The following ATCAY variants were observed in gnomAD, a reference collection of about 807,000 sequenced individuals.
ATCAY encodes the protein ATCAY kinesin light chain interacting caytaxin.
A neutral mutation model predicts 47.7 loss-of-function variants in ATCAY; 22 were observed. The ratio of observed to expected loss-of-function variants is 0.46; its 90% confidence interval spans 0.33 to 0.66. ATCAY has a LOEUF of 0.66. ATCAY is among the 30% of genes least tolerant of loss of function. The pLI is 0.02. For missense variants in ATCAY, 452 were observed against 515.0 expected, an observed-to-expected ratio of 0.88 and a Z score of 1.18; for synonymous variants, 216 against 207.6, an observed-to-expected ratio of 1.04 and a Z score of -0.35.
At chr19:3,884,365 C>T (rs1599273116) in intron 1 of ATCAY, among the ~76,000 whole-genome samples, 1 of 152,180 alleles carries the variant, frequency 6.6e-6, no homozygotes, top group Admixed American at 6.6e-5. Flanking sequence ...CAGTCTCTTT[C>T]CACACTGCCT....
intron 2 of ATCAY, chr19:3,893,521 G>A (rs1057122819): frequency 1.3e-5 from 2 of 152,156 alleles, no homozygotes; most frequent in African/African-American, 4.8e-5. Flanking sequence ...TGGACTTTGA[G>A]AGCCGGCTCT....
In ATCAY at chr19:3,905,522, T is replaced by C. The variant is rs1487774061; in HGVS notation, c.225T>C (p.Ser75=). 1 of 1,613,822 alleles carries C rather than the reference T, an allele frequency of 6.2e-7. No homozygotes were observed. The highest frequency in any genetic ancestry group is 2.2e-5 in the East Asian group (1 of 44,886). The stretch of plus-strand genomic sequence containing the variant: ...AGATCAACATTTCTCTGGATCAGAG[T>C]GAGGGGTCCCTGCTGTCCGATGACT... ...APEINISLDQ[S]EGSLLSDDFL... The change falls in exon 4 of 13, where the codon AGT becomes AGC. Residue 75 remains serine, a synonymous_variant. Transcript: ENST00000450849.
rs571828838 is a variant in ATCAY at position 3,925,191 on chromosome 19, T to G, written c.*599T>G. Reference sequence around the variant, plus strand: ...TGACCCGCCCCCTTCTCGCTCATAATGACACCCAGCTCCTTTGAGAGGATC... The same window carrying G: ...TGACCCGCCCCCTTCTCGCTCATAAGGACACCCAGCTCCTTTGAGAGGATC... On this transcript the variant is annotated 3_prime_UTR_variant, in exon 13 of 13. Transcript: ENST00000450849. This position sits in a 1 kb window ranked among gnomAD's most constrained non-coding sequence, Gnocchi z 4.4. 1 of 152,818 alleles carries G rather than the reference T, an allele frequency of 6.5e-6. No individual in the cohort carries two copies. The highest frequency in any genetic ancestry group is 1.9e-4 in the East Asian group (1 of 5,192). The allele number at this position is 152,818 out of a possible 1,614,324, so 9.5% of individuals were successfully genotyped here. A position where few individuals can be genotyped will look rare whatever the true frequency, so the allele number is the denominator to read the frequency against.
Position 3,909,493 on chromosome 19 carries a change from A to G in ATCAY, c.655A>G (p.Ile219Val). 1 of 1,613,524 alleles carries G rather than the reference A, an allele frequency of 6.2e-7. No homozygotes were observed. Among genetic ancestry groups the G allele is most frequent in the Non-Finnish European group, 8.5e-7 (1 of 1,179,662 alleles). Residue 219 changes from isoleucine to valine, a missense_variant, in exon 7 of 13, where the codon ATC (isoleucine) becomes GTC (valine). Ile to Val is a conservative substitution (Grantham distance 29). Transcript: ENST00000450849. ...TCTGTGCCCCGTGAGCAGGTACGTC[A>G]TCAGCAGCTTAGAGCTCCTGGTGGC... ...YIMENLFLYV[I>V]SSLELLVAED...
rs774092653 is a variant in ATCAY, at chr19:3,910,938, T to A, written c.866+49T>A. ...AAGTCCAGTGGCCTCAGTGTGCGTG[T>A]GTGCGTGTGTGTATGCATGCATTTG... On this transcript the variant is annotated intron_variant, in intron 8 of 12. Coordinates refer to ENST00000450849, the MANE Select transcript of ATCAY (RefSeq NM_033064.5). 8.2e-6 allele frequency: 13 copies of A among 1,577,680 alleles called. No individual in the cohort carries two copies. The African/African-American group carries it at 1.6e-4, about 20-fold the overall frequency.
rs565011425 is a variant in ATCAY at position 3,893,369 on chromosome 19, G to A, written c.77+7525G>A. Among the ~76,000 whole-genome samples, 34 of 151,952 alleles carry A rather than the reference G, an allele frequency of 2.2e-4. No individual in the cohort carries two copies. In the South Asian group the frequency reaches 4.8e-3, roughly 21 times the overall value. On this transcript the variant is annotated intron_variant, in intron 2 of 12. Transcript: ENST00000450849. Reference sequence around the variant, plus strand: ...TAATTTTAGTATTTTTAGTAGAGACGGGGTTTCACCATGTTGGCCAGGCTG... The same window carrying A: ...TAATTTTAGTATTTTTAGTAGAGACAGGGTTTCACCATGTTGGCCAGGCTG...
In ATCAY at chr19:3,908,708, CTTT is replaced by C. The variant is rs1173383220; in HGVS notation, c.647+340_647+342del. On this transcript the variant is annotated intron_variant, in intron 6 of 12. Coordinates refer to ENST00000450849, the MANE Select transcript of ATCAY (RefSeq NM_033064.5). ...CCTTCTTCCTCCCCCCTCCTCCTCC[CTTT>C]TCTCCTCCTCCTCCCCTTCCCTCTC... 3.7e-4 allele frequency among the ~76,000 whole-genome samples: 21 copies of C among 57,144 alleles called. 1 individual carries two copies. In the East Asian group the frequency reaches 0.013, roughly 35 times the overall value. The allele number at this position is 57,144 out of a possible 152,430, so 37.5% of individuals were successfully genotyped here. A position where few individuals can be genotyped will look rare whatever the true frequency, so the allele number is the denominator to read the frequency against.
intron 1 of ATCAY, among the ~76,000 whole-genome samples, chr19:3,884,606 G>C (rs923274013): frequency 2.0e-5 from 3 of 152,160 alleles, no homozygotes; most frequent in African/African-American, 4.8e-5. Context: ...ACAAGAGGGA[G>C]GGTAAGTCTA....
In ATCAY at chr19:3,886,978, G is replaced by A. The variant is rs531022713; in HGVS notation, c.77+1134G>A. Among the ~76,000 whole-genome samples, 22 of 152,080 alleles carry A rather than the reference G, an allele frequency of 1.4e-4. No individual in the cohort carries two copies. The South Asian group carries it at 3.5e-3, about 24-fold the overall frequency. On this transcript the variant is annotated intron_variant, in intron 2 of 12. Coordinates refer to ENST00000450849, the MANE Select transcript of ATCAY (RefSeq NM_033064.5). ...ATTCCAGGCAAGAGCCACCGCGCCC[G>A]GCCCCTACGCTGAACATTTTGCAGG... is the stretch of plus-strand genomic sequence containing the variant.
At chr19:3,922,196 GC>G (rs1266743685) in intron 12 of ATCAY, 2 of 701,712 alleles carry the variant, frequency 2.9e-6, no homozygotes, top group African/African-American at 1.7e-5. Flanking sequence ...ATGCCACGTG[GC>G]CCAAGTTCCA....
At position 3,907,313 on chromosome 19, in the gene ATCAY, G is replaced by A. The variant is rs2038870104; in HGVS notation, c.359-421G>A. 6.6e-6 allele frequency among the ~76,000 whole-genome samples: 1 copy of A among 151,884 alleles called. No individual in the cohort carries two copies. Among genetic ancestry groups the A allele is most frequent in the Non-Finnish European group, 1.5e-5 (1 of 67,984 alleles). ...ATAAAAATTAGCTGGGTGTGGTGGTGCACAACTGTAGTCCCAGGTATCTGG... is the reference window on the plus strand; with the variant it reads ...ATAAAAATTAGCTGGGTGTGGTGGTACACAACTGTAGTCCCAGGTATCTGG... On this transcript the variant is annotated intron_variant, in intron 4 of 12. Transcript: ENST00000450849. The surrounding 1 kb of genome is among the most constrained non-coding windows in gnomAD (Gnocchi z 5.1).
rs1241277162 is a variant in ATCAY, at chr19:3,908,290, C to T, written c.567C>T (p.Asn189=). The T allele has an allele frequency of 9.5e-6, 15 of 1,582,346 alleles. No individual in the cohort carries two copies. Among genetic ancestry groups the T allele is most frequent in the South Asian group, 2.3e-5 (2 of 86,490 alleles). ...THGGYYGEGL[N]AIIVFAACFL... ...CAGGGTACTACGGCGAAGGCCTCAACGCCATCATCGTCTTCGCAGCCTGCT... is the reference window on the plus strand; with the variant it reads ...CAGGGTACTACGGCGAAGGCCTCAATGCCATCATCGTCTTCGCAGCCTGCT... Residue 189 remains asparagine (N), a synonymous_variant, in exon 6 of 13, where the codon AAC becomes AAT. Coordinates refer to ENST00000450849, the MANE Select transcript of ATCAY (RefSeq NM_033064.5).
chr19:3,907,270 C>G lies in ATCAY; in HGVS notation c.359-464C>G, dbSNP rs563798598. On this transcript the variant is annotated intron_variant, in intron 4 of 12. Coordinates refer to ENST00000450849, the MANE Select transcript of ATCAY (RefSeq NM_033064.5). This position sits in a 1 kb window ranked among gnomAD's most constrained non-coding sequence, Gnocchi z 5.1. Reference sequence around the variant, plus strand: ...GACCAGCCTGGGCAACATATTGAAACCCCATCTCTACAAAAATATAAAAAT... The same window carrying G: ...GACCAGCCTGGGCAACATATTGAAAGCCCATCTCTACAAAAATATAAAAAT... Among the ~76,000 whole-genome samples, 116 of 152,058 alleles carry G rather than the reference C, an allele frequency of 7.6e-4. 1 individual carries two copies. The highest frequency in any genetic ancestry group is 2.7e-3 in the African/African-American group (113 of 41,482).
chr19:3,912,562 G>A (rs947794144), intron 8 of ATCAY, among the ~76,000 whole-genome samples: 5 of 151,898 alleles, frequency 3.3e-5, no homozygotes, highest in Non-Finnish European at 5.9e-5. Context: ...CGCCTGCCTT[G>A]GCCTCCCAAA....
At chr19:3,900,459 T>G (rs1231241314) in intron 2 of ATCAY, among the ~76,000 whole-genome samples, 1 of 152,086 alleles carries the variant, frequency 6.6e-6, no homozygotes, top group Non-Finnish European at 1.5e-5. Flanking sequence ...AGATGACATT[T>G]AGTTATCACA....
intron 2 of ATCAY, among the ~76,000 whole-genome samples, chr19:3,898,241 G>A (rs151141694): frequency 0.013 from 2,014 of 152,108 alleles, 43 homozygotes; most frequent in African/African-American, 0.047. Flanking sequence ...CTGGAGTGCA[G>A]TGGTGCAATC....
intron 2 of ATCAY, among the ~76,000 whole-genome samples, chr19:3,887,590 C>T (rs961530766): frequency 6.6e-6 from 1 of 151,108 alleles, no homozygotes; most frequent in Admixed American, 6.6e-5. Context: ...GGGTTCACGC[C>T]ATTCTCCTGC....
chr19:3,883,341 CA>C (rs1201861541), intron 1 of ATCAY, among the ~76,000 whole-genome samples: 7 of 144,936 alleles, frequency 4.8e-5, no homozygotes, highest in Non-Finnish European at 4.5e-5. Flanking sequence ...GACTCTGTCT[CA>C]AAAAAAAAAT....
Position 3,908,300 on chromosome 19 carries a change from G to C in ATCAY, c.577G>C (p.Val193Leu). ...CGGCGAAGGCCTCAACGCCATCATC[G>C]TCTTCGCAGCCTGCTTCCTTCCAGA... ...YYGEGLNAII[V>L]FAACFLPDSS... The change falls in exon 6 of 13, where the codon GTC (valine) becomes CTC (leucine). Residue 193 changes from valine to leucine, a missense_variant. By Grantham distance (32) the Val-to-Leu change is conservative. Coordinates refer to ENST00000450849, the MANE Select transcript of ATCAY (RefSeq NM_033064.5). The C allele has an allele frequency of 6.3e-7, 1 of 1,586,878 alleles. No homozygotes were observed. Among genetic ancestry groups the C allele is most frequent in the East Asian group, 2.3e-5 (1 of 43,546 alleles).
Sources: allele counts gnomAD v4.1 joint callset (sites outside exome capture counted in the v4.1 genomes callset), GRCh38; gene constraint gnomAD v4.1.1; non-coding constraint Gnocchi (gnomAD v3.1); transcripts MANE v1.5; gene names NCBI Gene and HGNC (gene_info 2026-07-23, HGNC 2026-07-21).